INO80: variants seen among roughly 807,000 people sequenced by gnomAD.
INO80 encodes INO80 complex ATPase subunit, also known as chromatin-remodeling ATPase INO80.
INO80 carries 20 observed loss-of-function variants against 203.4 expected under a neutral mutation model. The ratio of observed to expected loss-of-function variants is 0.10; its 90% confidence interval spans 0.07 to 0.14. INO80 has a LOEUF of 0.14. Among genes scored for constraint, INO80 ranks in the 10% least tolerant of loss-of-function variants. The pLI is 1.00. For synonymous variants in INO80, 726 were observed against 685.2 expected, an observed-to-expected ratio of 1.06 and a Z score of -0.93; for missense variants, 1,419 against 1,914.4, an observed-to-expected ratio of 0.74 and a Z score of 4.83.
intron 24 of INO80, among the ~76,000 whole-genome samples, chr15:41,038,453 C>CTT (rs2044616445): frequency 6.6e-6 from 1 of 152,200 alleles, no homozygotes; most frequent in South Asian, 2.1e-4. Flanking sequence ...TAACCAGGAT[C>CTT]TTTCTCCCTA....
chr15:41,063,854 C>T (rs2045161586), intron 14 of INO80, among the ~76,000 whole-genome samples: 1 of 152,058 alleles, frequency 6.6e-6, no homozygotes, highest in Admixed American at 6.6e-5. Flanking sequence ...CAAAGACGCC[C>T]TCACATTCTG....
chr15:40,999,908 C>A (rs936456134), intron 28 of INO80, among the ~76,000 whole-genome samples: 1 of 152,050 alleles, frequency 6.6e-6, no homozygotes, highest in Non-Finnish European at 1.5e-5. Context: ...TTGGGCAATA[C>A]AGAAAGACCC....
chr15:41,090,534 C>T (rs2045621286), intron 5 of INO80, among the ~76,000 whole-genome samples: 2 of 152,114 alleles, frequency 1.3e-5, no homozygotes, highest in South Asian at 2.1e-4. Context: ...CAAGATCGCG[C>T]CACTGCACTC....
chr15:41,095,165 C>T (rs565884975), intron 4 of INO80, among the ~76,000 whole-genome samples: 2 of 152,204 alleles, frequency 1.3e-5, no homozygotes, highest in East Asian at 1.9e-4. Flanking sequence ...ATGGTGAAAC[C>T]CCATTTCTAC....
intron 29 of INO80, among the ~76,000 whole-genome samples, chr15:40,988,206 TG>T (rs1435065647): frequency 6.6e-6 from 1 of 152,066 alleles, no homozygotes; most frequent in Non-Finnish European, 1.5e-5. Context: ...TTAAAAAGAG[TG>T]GCAATAATAT....
At chr15:41,067,362 C>G (rs897472526) in intron 14 of INO80, among the ~76,000 whole-genome samples, 2 of 152,084 alleles carry the variant, frequency 1.3e-5, no homozygotes, top group Non-Finnish European at 2.9e-5. Flanking sequence ...GCATGAGCCA[C>G]CATGCCCGGC....
intron 12 of INO80, among the ~76,000 whole-genome samples, chr15:41,071,598 G>A (rs2140595311): frequency 6.6e-6 from 1 of 151,866 alleles, no homozygotes; most frequent in East Asian, 1.9e-4. Flanking sequence ...GGGATCACAG[G>A]CATGCACCAC....
intron 14 of INO80, among the ~76,000 whole-genome samples, chr15:41,065,676 T>C (rs935308364): frequency 6.6e-6 from 1 of 152,118 alleles, no homozygotes; most frequent in Non-Finnish European, 1.5e-5. Flanking sequence ...GATATATATA[T>C]ACACAATGGA....
chr15:41,016,393 C>A (rs1333948363), intron 26 of INO80, among the ~76,000 whole-genome samples, 178 bp from the exon 27 acceptor site: 1 of 152,184 alleles, frequency 6.6e-6, no homozygotes, highest in Non-Finnish European at 1.5e-5. Context: ...TCCAGGAGTG[C>A]CCTGGGAAAA....
In INO80 at chr15:40,983,852, T is replaced by C; in HGVS notation, c.4147A>G (p.Ile1383Val). The C allele has an allele frequency of 6.2e-7, 1 of 1,613,196 alleles. No individual in the cohort carries two copies. The highest frequency in any genetic ancestry group is 8.5e-7 in the Non-Finnish European group (1 of 1,179,840). ...GCTGAGGAGGCTGGGTCATCCACAA[T>C]GACCAGCATGTCACTGCTGCTCTCG... ...LDESSSDMLV[I>V]VDDPASSAPQ... Residue 1383 changes from isoleucine to valine, a missense_variant, in exon 34 of 36, where the codon ATT becomes GTT. Transcript: ENST00000648947.
intron 29 of INO80, among the ~76,000 whole-genome samples, chr15:40,989,170 ACT>A (rs779099461): frequency 7.2e-5 from 11 of 152,044 alleles, no homozygotes; most frequent in Non-Finnish European, 1.0e-4. Context: ...CAAGAGAGAA[ACT>A]CTGTCACAAA....
chr15:41,023,168 C>A, intron 25 of INO80: 1 of 368,682 alleles, frequency 2.7e-6, no homozygotes, highest in South Asian at 1.9e-5. Flanking sequence ...ATTCATTTTT[C>A]CCACTAATAC....
At chr15:41,062,265 T>A (rs1006061996) in intron 14 of INO80, among the ~76,000 whole-genome samples, 3 of 152,140 alleles carry the variant, frequency 2.0e-5, no homozygotes, top group Non-Finnish European at 4.4e-5. Context: ...TATTATTATT[T>A]TTTAAGTCAA....
rs1001238405 is a variant in INO80 at position 41,047,434 on chromosome 15, G to T, written c.2709C>A (p.Asn903Lys). 6.2e-7 allele frequency: 1 copy of T among 1,613,366 alleles called. No homozygotes were observed. The highest frequency in any genetic ancestry group is 8.5e-7 in the Non-Finnish European group (1 of 1,179,788). ...FIDISPAEMA[N>K]LMLQGLLARW... ...TGGCCAAAAGTCCCTGAAGCATAAG[G>T]TTTGCCATTTCTGCTGGAGATATAT... The change falls in exon 23 of 36, where the codon AAC (asparagine) becomes AAA (lysine). Residue 903 changes from asparagine (N) to lysine (K), a missense_variant. Coordinates refer to ENST00000648947, the MANE Select transcript of INO80 (RefSeq NM_017553.3).
intron 24 of INO80, chr15:41,027,958 C>T: frequency 3.1e-6 from 1 of 323,012 alleles, no homozygotes; most frequent in Non-Finnish European, 5.6e-6. Context: ...AAACAACTGT[C>T]ATTTATAATT....
intron 7 of INO80, 139 bp downstream of exon 7, chr15:41,085,230 A>G (rs1209811434): frequency 1.4e-6 from 1 of 732,724 alleles, no homozygotes; most frequent in Non-Finnish European, 2.3e-6. Context: ...AGTACTACTC[A>G]GCATTTTCTT....
chr15:41,089,000 C>T (rs2045598283), intron 5 of INO80, among the ~76,000 whole-genome samples: 1 of 151,724 alleles, frequency 6.6e-6, no homozygotes, highest in Non-Finnish European at 1.5e-5. Flanking sequence ...ACCAGCCTGG[C>T]CAACATGATG....
At chr15:41,045,683 A>C in intron 23 of INO80, among the ~76,000 whole-genome samples, 1 of 151,848 alleles carries the variant, frequency 6.6e-6, no homozygotes, top group East Asian at 1.9e-4. Flanking sequence ...AATTGAGGCC[A>C]GGAGTTCGGG....
intron 1 of INO80, among the ~76,000 whole-genome samples, chr15:41,106,383 CAAAAAAAAAA>C (rs369784846): frequency 1.2e-5 from 1 of 83,916 alleles, no homozygotes; most frequent in African/African-American, 5.2e-5. Flanking sequence ...GACCCTGTCT[CAAAAAAAAAA>C]AAAAAAAAGA....
Sources: allele counts gnomAD v4.1 joint callset (sites outside exome capture counted in the v4.1 genomes callset), GRCh38; gene constraint gnomAD v4.1.1; transcripts MANE v1.5; gene names NCBI Gene and HGNC (gene_info 2026-07-23, HGNC 2026-07-21).